The following CLDN1 variants were observed in gnomAD, a reference collection of about 807,000 sequenced individuals.
CLDN1 encodes claudin-1.
In CLDN1, 12 loss-of-function variants were observed where a neutral mutation model predicts 22.6. The ratio of observed to expected loss-of-function variants is 0.53; its 90% CI spans 0.34 to 0.86. The LOEUF is 0.86. Ranked by LOEUF, CLDN1 falls within the 40% of genes least tolerant of loss-of-function variation. The pLI, the probability that CLDN1 is intolerant of heterozygous loss-of-function variation, is 0.02. For synonymous variants in CLDN1, 99 were observed against 103.8 expected, an observed-to-expected ratio of 0.95 and a Z score of 0.28; for missense variants, 250 against 269.5, an observed-to-expected ratio of 0.93 and a Z score of 0.51.
intron 1 of CLDN1, among the ~76,000 whole-genome samples, chr3:190,316,434 C>T (rs1205653049): frequency 2.6e-5 from 4 of 152,144 alleles, no homozygotes; most frequent in Non-Finnish European, 5.9e-5. Context: ...TAGTCACGCA[C>T]AAAAAGCTGA....
In CLDN1 at chr3:190,322,141, G is replaced by C. The variant is rs562285276; in HGVS notation, c.66C>G (p.Ile22Met). 2 of 1,614,228 alleles carry C rather than the reference G, an allele frequency of 1.2e-6. No homozygotes were observed. Among genetic ancestry groups the C allele is most frequent in the Non-Finnish European group, 8.5e-7 (1 of 1,180,056 alleles). ...ILAFLGWIGA[I>M]VSTALPQWRI... The stretch of plus-strand genomic sequence containing the variant: ...TCCACTGGGGCAGGGCAGTGCTGAC[G>C]ATGGCGCCGATCCATCCCAGGAAGG... Residue 22 changes from isoleucine to methionine, a missense_variant, in exon 1 of 4, where the codon ATC (isoleucine) becomes ATG (methionine). Coordinates refer to ENST00000295522, the MANE Select transcript of CLDN1 (RefSeq NM_021101.5).
At chr3:190,315,497 T>G (rs1463575550) in intron 1 of CLDN1, among the ~76,000 whole-genome samples, 2 of 152,174 alleles carry the variant, frequency 1.3e-5, no homozygotes, top group Non-Finnish European at 2.9e-5. Context: ...AGAAGTCATA[T>G]GATTATCTTG....
chr3:190,310,750 A>G (rs1716592684), intron 2 of CLDN1, among the ~76,000 whole-genome samples: 2 of 152,296 alleles, frequency 1.3e-5, no homozygotes, highest in African/African-American at 4.8e-5. Flanking sequence ...CTCAGAATGG[A>G]CCAGAATACC....
In CLDN1 at chr3:190,313,783, T is replaced by C. The variant is rs568244865; in HGVS notation, c.224-747A>G. ...AATTCAATGTAGTGTTTCTCAGGAT[T>C]CCATTTTTTCTAATTTCCCATCATT... On this transcript the variant is annotated intron_variant, in intron 1 of 3. Coordinates refer to ENST00000295522, the MANE Select transcript of CLDN1 (RefSeq NM_021101.5). 2.2e-3 allele frequency among the ~76,000 whole-genome samples: 342 copies of C among 152,294 alleles called. 2 individuals carry two copies. Among genetic ancestry groups the C allele is most frequent in the African/African-American group, 7.6e-3 (314 of 41,570 alleles).
At chr3:190,320,071 T>TGG (rs199732640) in intron 1 of CLDN1, among the ~76,000 whole-genome samples, 5 of 147,202 alleles carry the variant, frequency 3.4e-5, no homozygotes, top group African/African-American at 1.0e-4. Flanking sequence ...CTAAAGTGTG[T>TGG]GTGGGGGGGT....
chr3:190,308,758 A>G (rs1261494168), intron 3 of CLDN1, among the ~76,000 whole-genome samples: 2 of 152,192 alleles, frequency 1.3e-5, no homozygotes, highest in Non-Finnish European at 2.9e-5. Flanking sequence ...GGTTTGGATC[A>G]TGGTTCCTAG....
intron 3 of CLDN1, 26 bp from the exon 4 acceptor site, chr3:190,308,465 T>C (rs1577386802): frequency 1.2e-6 from 2 of 1,611,570 alleles, no homozygotes; most frequent in African/African-American, 2.7e-5. Context: ...CATGTGCTTG[T>C]TAATCAGTGA....
At chr3:190,318,146 C>T (rs988765291) in intron 1 of CLDN1, among the ~76,000 whole-genome samples, 1 of 152,088 alleles carries the variant, frequency 6.6e-6, no homozygotes, top group African/African-American at 2.4e-5. Flanking sequence ...TGATGGTCAC[C>T]AGATGTGAAC....
rs1025589562 is a variant in CLDN1 at position 190,313,132 on chromosome 3, G to A, written c.224-96C>T. ...GTATATGTCACTGTTGTATGGAAGA[G>A]AGAAAACTGGACTAGGAATCTAGAG... On this transcript the variant is annotated intron_variant, in intron 1 of 3. Transcript: ENST00000295522. The A allele has an allele frequency of 2.4e-5, 33 of 1,403,818 alleles. No individual in the cohort carries two copies. In the African/African-American group the frequency reaches 4.4e-4, roughly 19 times the overall value. 87.0% of individuals were successfully genotyped at this position (1,403,818 alleles called of 1,614,324 possible).
chr3:190,312,974 A>G lies in CLDN1; in HGVS notation c.286T>C (p.Phe96Leu), dbSNP rs376629134. The G allele has an allele frequency of 5.6e-6, 9 of 1,614,190 alleles. No homozygotes were observed. The highest frequency in any genetic ancestry group is 6.8e-6 in the Non-Finnish European group (8 of 1,180,032). Residue 96 changes from phenylalanine (F) to leucine (L), a missense_variant, in exon 2 of 4, where the codon TTT becomes CTT. Coordinates refer to ENST00000295522, the MANE Select transcript of CLDN1 (RefSeq NM_021101.5). ...VGILLGVIAI[F>L]VATVGMKCMK... The stretch of plus-strand genomic sequence containing the variant: ...CACTTCATGCCAACGGTGGCCACAA[A>G]GATTGCTATCACTCCCAGGAGGATG...
At chr3:190,313,410 A>G in intron 1 of CLDN1, among the ~76,000 whole-genome samples, 1 of 152,220 alleles carries the variant, frequency 6.6e-6, no homozygotes, top group Non-Finnish European at 1.5e-5. Flanking sequence ...AGTAACAATC[A>G]TATATACTAT....
chr3:190,315,706 G>C (rs933195500), intron 1 of CLDN1, among the ~76,000 whole-genome samples: 1 of 151,770 alleles, frequency 6.6e-6, no homozygotes, highest in Non-Finnish European at 1.5e-5. Flanking sequence ...TTTTCTCTTT[G>C]TTCAAGTTGT....
In CLDN1 at chr3:190,312,892, C is replaced by T. The variant is rs1716662525; in HGVS notation, c.368G>A (p.Gly123Asp). 4 of 1,613,944 alleles carry T rather than the reference C, an allele frequency of 2.5e-6. No individual in the cohort carries two copies. The highest frequency in any genetic ancestry group is 3.4e-6 in the Non-Finnish European group (4 of 1,179,900). The change falls in exon 2 of 4, where the codon GGT becomes GAT. Residue 123 changes from glycine to aspartate, a missense_variant. Gly to Asp is a moderately conservative substitution (Grantham distance 94, BLOSUM62 -1). Coordinates refer to ENST00000295522, the MANE Select transcript of CLDN1 (RefSeq NM_021101.5). Reference protein sequence around the residue: ...VQKMRMAVIGGAIFLLAGLAI... With the variant: ...VQKMRMAVIGDAIFLLAGLAI... ...ATTACCTGCAAGAAGAAATATCGCA[C>T]CCCCAATGACAGCCATCCTCATCTT...
intron 1 of CLDN1, among the ~76,000 whole-genome samples, chr3:190,317,982 TC>T: frequency 6.6e-6 from 1 of 152,332 alleles, no homozygotes; most frequent in East Asian, 1.9e-4. Flanking sequence ...ATATTGTGCT[TC>T]CTTCTCCCCT....
At chr3:190,312,321 G>A (rs148419618) in intron 2 of CLDN1, among the ~76,000 whole-genome samples, 2 of 151,464 alleles carry the variant, frequency 1.3e-5, no homozygotes, top group African/African-American at 4.8e-5. Flanking sequence ...TTTCCTAACT[G>A]CTTTAAACTG....
At position 190,308,042 on chromosome 3, in the gene CLDN1, C is replaced by T. The variant is rs923159836; in HGVS notation, c.*235G>A. On this transcript the variant is annotated 3_prime_UTR_variant, in exon 4 of 4. Coordinates refer to ENST00000295522, the MANE Select transcript of CLDN1 (RefSeq NM_021101.5). ...TTGAGTATGATTACTCAATGGGAAGCAGTAATACAAATGGAAAAATCTTCC... is the reference window on the plus strand; with the variant it reads ...TTGAGTATGATTACTCAATGGGAAGTAGTAATACAAATGGAAAAATCTTCC... 1.9e-5 allele frequency: 9 copies of T among 469,156 alleles called. No homozygotes were observed. Among genetic ancestry groups the T allele is most frequent in the African/African-American group, 1.6e-4 (8 of 50,628 alleles). 29.1% of individuals were successfully genotyped at this position (469,156 alleles called of 1,614,324 possible).
intron 1 of CLDN1, chr3:190,313,237 T>C (rs1716675026): frequency 1.7e-6 from 1 of 587,904 alleles, no homozygotes; most frequent in Non-Finnish European, 3.0e-6. Flanking sequence ...GGCTGGATGA[T>C]GAAAAAGAGA....
At chr3:190,312,278 C>CA (rs1716643315) in intron 2 of CLDN1, among the ~76,000 whole-genome samples, 1 of 144,984 alleles carries the variant, frequency 6.9e-6, no homozygotes, top group South Asian at 2.2e-4. Flanking sequence ...ATTATTTTAT[C>CA]AAAAAAATTT....
chr3:190,322,446 C>G lies in CLDN1; in HGVS notation c.-240G>C, dbSNP rs558964236. 1 of 570,502 alleles carries G rather than the reference C, an allele frequency of 1.8e-6. No homozygotes were observed. The highest frequency in any genetic ancestry group is 2.9e-5 in the East Asian group (1 of 34,130). The allele number at this position is 570,502 out of a possible 1,614,324, so 35.3% of individuals were successfully genotyped here. ...TTGCTCCCAGGCTCGGGAACTGAGACGCAGAACCGCTGGGCGCCGCGATTT... is the reference window on the plus strand; with the variant it reads ...TTGCTCCCAGGCTCGGGAACTGAGAGGCAGAACCGCTGGGCGCCGCGATTT... On this transcript the variant is annotated 5_prime_UTR_variant, in exon 1 of 4. Transcript: ENST00000295522.
Sources: allele counts gnomAD v4.1 joint callset (sites outside exome capture counted in the v4.1 genomes callset), GRCh38; gene constraint gnomAD v4.1.1; transcripts MANE v1.5; gene names NCBI Gene and HGNC (gene_info 2026-07-23, HGNC 2026-07-21).